Variants in SLAIN2 observed in about 807,000 individuals in gnomAD.
SLAIN2 encodes SLAIN family member 2.
Under a neutral mutation model 56.6 loss-of-function variants are expected in SLAIN2, and 31 were observed. The observed-to-expected ratio is 0.55, with a 90% CI of 0.41 to 0.74. The LOEUF (loss-of-function observed/expected upper bound fraction) is 0.74. SLAIN2 is among the 30% of genes least tolerant of loss of function. SLAIN2 has a pLI of 0.00. For synonymous variants in SLAIN2, 317 were observed against 284.9 expected (o/e 1.11, Z -1.13); for missense variants, 777 against 754.2 (o/e 1.03, Z -0.35).
At chr4:48,392,179 A>T (rs1283906960) in intron 6 of SLAIN2, among the ~76,000 whole-genome samples, 1 of 152,212 alleles carries the variant, frequency 6.6e-6, no homozygotes, top group Non-Finnish European at 1.5e-5. Flanking sequence ...GTAACATTAT[A>T]TGACTGTGGT....
At chr4:48,406,370 A>G (rs1239183610) in intron 6 of SLAIN2, among the ~76,000 whole-genome samples, 1 of 152,150 alleles carries the variant, frequency 6.6e-6, no homozygotes, top group Non-Finnish European at 1.5e-5. Flanking sequence ...TCTCATCCTG[A>G]GAATCTTATT....
intron 1 of SLAIN2, among the ~76,000 whole-genome samples, chr4:48,348,117 CT>C (rs34423944): frequency 0.016 from 2,394 of 152,218 alleles, 58 homozygotes; most frequent in African/African-American, 0.055. Context: ...TTGAAGGACT[CT>C]AATAAGGATT....
intron 1 of SLAIN2, among the ~76,000 whole-genome samples, chr4:48,368,051 CTTT>C (rs36096623): frequency 1.1e-5 from 1 of 88,848 alleles, no homozygotes. Context: ...GTTTTTGAGG[CTTT>C]TTTTTTTTTT....
At chr4:48,416,593 C>G (rs1259190042) in intron 6 of SLAIN2, among the ~76,000 whole-genome samples, 1 of 151,344 alleles carries the variant, frequency 6.6e-6, no homozygotes, top group Non-Finnish European at 1.5e-5. Context: ...ACTTCCAACA[C>G]TATGTTGAAT....
At chr4:48,421,243 GT>G (rs1717148924) in intron 7 of SLAIN2, among the ~76,000 whole-genome samples, 1 of 152,136 alleles carries the variant, frequency 6.6e-6, no homozygotes, top group African/African-American at 2.4e-5. Context: ...CTGAGTTCAA[GT>G]GATCTGCTTG....
At chr4:48,414,207 A>G (rs1032550592) in intron 6 of SLAIN2, among the ~76,000 whole-genome samples, 2 of 152,200 alleles carry the variant, frequency 1.3e-5, no homozygotes, top group Non-Finnish European at 2.9e-5. Context: ...AAAAGAGTAA[A>G]GAGAAATTAT....
chr4:48,417,957 G>C (rs1717039417), intron 6 of SLAIN2, among the ~76,000 whole-genome samples: 1 of 152,148 alleles, frequency 6.6e-6, no homozygotes, highest in Non-Finnish European at 1.5e-5. Context: ...ATCCAGTTCT[G>C]TGACCTTACT....
At chr4:48,398,533 C>G (rs991733275) in intron 6 of SLAIN2, among the ~76,000 whole-genome samples, 1 of 152,186 alleles carries the variant, frequency 6.6e-6, no homozygotes, top group African/African-American at 2.4e-5. Flanking sequence ...GCGTTTGTTG[C>G]AATTGCTTTT....
In SLAIN2 at chr4:48,358,922, T is replaced by C. The variant is rs185714470; in HGVS notation, c.390-10927T>C. Among the ~76,000 whole-genome samples, 49 of 150,444 alleles carry C rather than the reference T, an allele frequency of 3.3e-4. No individual in the cohort carries two copies. In the East Asian group the frequency reaches 9.7e-3, roughly 30 times the overall value. On this transcript the variant is annotated intron_variant, in intron 1 of 7. Coordinates refer to ENST00000264313, the MANE Select transcript of SLAIN2 (RefSeq NM_020846.2). ...TTTTACTAGAGATGGATTTTCACAA[T>C]GTTGGCCAGGTTGGTCTTGAACTCC...
intron 1 of SLAIN2, among the ~76,000 whole-genome samples, chr4:48,363,095 C>A (rs185596650): frequency 0.017 from 732 of 42,516 alleles, 21 homozygotes; most frequent in African/African-American, 0.052. Flanking sequence ...CACAGATCAA[C>A]AGGATCCCAA....
Position 48,341,612 on chromosome 4 carries a change from G to T in SLAIN2, c.-128G>T. 7.3e-7 allele frequency: 1 copy of T among 1,365,896 alleles called. No individual in the cohort carries two copies. Among genetic ancestry groups the T allele is most frequent in the Non-Finnish European group, 9.6e-7 (1 of 1,046,878 alleles). The allele number at this position is 1,365,896 out of a possible 1,614,324, so 84.6% of individuals were successfully genotyped here. A position where few individuals can be genotyped will look rare whatever the true frequency, so the allele number is the denominator to read the frequency against. On this transcript the variant is annotated 5_prime_UTR_variant, in exon 1 of 8. Transcript: ENST00000264313. ...CGAGGTGGGGGGACCCTGGCGGTGG[G>T]GCCTGGTCCTGCTATATGCCGGCGC... is the stretch of plus-strand genomic sequence containing the variant.
At position 48,365,285 on chromosome 4, in the gene SLAIN2, A is replaced by G. The variant is rs181239255; in HGVS notation, c.390-4564A>G. ...GGAGTTTGTGACCAGCCTGGCCAAC[A>G]TGGTGAAACTCCGTCTCTACTAAAA... On this transcript the variant is annotated intron_variant, in intron 1 of 7. Transcript: ENST00000264313. Among the ~76,000 whole-genome samples, 572 of 151,756 alleles carry G rather than the reference A, an allele frequency of 3.8e-3. 5 individuals carry two copies. Among genetic ancestry groups the G allele is most frequent in the African/African-American group, 0.013 (528 of 41,384 alleles).
At chr4:48,347,880 T>C (rs138255733) in intron 1 of SLAIN2, among the ~76,000 whole-genome samples, 5 of 152,370 alleles carry the variant, frequency 3.3e-5, no homozygotes, top group African/African-American at 1.2e-4. Context: ...TCTTTTTGTG[T>C]CTGGCTTATT....
intron 2 of SLAIN2, among the ~76,000 whole-genome samples, chr4:48,375,069 T>A (rs1715769250): frequency 6.6e-6 from 1 of 152,164 alleles, no homozygotes; most frequent in Non-Finnish European, 1.5e-5. Flanking sequence ...ATATAGATAA[T>A]AATTGATGTA....
intron 2 of SLAIN2, among the ~76,000 whole-genome samples, chr4:48,374,770 T>C (rs1258965363): frequency 6.6e-6 from 1 of 152,116 alleles, no homozygotes; most frequent in Non-Finnish European, 1.5e-5. Flanking sequence ...ATAGTAGATA[T>C]GGTAATAAAA....
chr4:48,397,062 C>A (rs1358717156), intron 6 of SLAIN2, among the ~76,000 whole-genome samples: 1 of 152,120 alleles, frequency 6.6e-6, no homozygotes, highest in Non-Finnish European at 1.5e-5. Context: ...ATGGAAGTGG[C>A]TATTTAAACT....
At chr4:48,413,993 C>A (rs1716932715) in intron 6 of SLAIN2, among the ~76,000 whole-genome samples, 1 of 152,012 alleles carries the variant, frequency 6.6e-6, no homozygotes, top group Admixed American at 6.6e-5. Context: ...ACAAACTTAG[C>A]ACAATTATTA....
chr4:48,413,600 T>C (rs752831527), intron 6 of SLAIN2, among the ~76,000 whole-genome samples: 1 of 152,224 alleles, frequency 6.6e-6, no homozygotes, highest in African/African-American at 2.4e-5. Context: ...TATGACAGTA[T>C]AGTAAGGGAT....
At chr4:48,393,152 C>T (rs1192799640) in intron 6 of SLAIN2, among the ~76,000 whole-genome samples, 1 of 151,952 alleles carries the variant, frequency 6.6e-6, no homozygotes, top group Non-Finnish European at 1.5e-5. Context: ...GCGGGCAGAT[C>T]ACTTGAGGTC....
Sources: gnomAD v4.1 joint callset for allele counts (sites outside exome capture counted in the v4.1 genomes callset) on GRCh38, gnomAD v4.1.1 for gene constraint, MANE v1.5 for transcripts, NCBI Gene and HGNC (gene_info 2026-07-23, HGNC 2026-07-21) for gene names.